TMEM50A: variants seen among roughly 807,000 people sequenced by gnomAD.
TMEM50A encodes the protein cervical cancer oncogene 9.
Under a neutral mutation model 23.9 loss-of-function variants are expected in TMEM50A, and 8 were observed. That is an observed-to-expected ratio of 0.33 (90% confidence interval 0.20 to 0.60). The LOEUF (loss-of-function observed/expected upper bound fraction) is 0.60, where lower values mean the gene tolerates loss of function less well. Ranked by LOEUF, TMEM50A falls within the 20% of genes least tolerant of loss-of-function variation. The pLI, the probability that TMEM50A is intolerant of heterozygous loss-of-function variation, is 0.81. For synonymous variants in TMEM50A, 55 were observed against 60.4 expected (o/e 0.91, Z 0.41); for missense variants, 178 against 192.7 (o/e 0.92, Z 0.45).
At chr1:25,351,449 C>A (rs1645274386) in intron 3 of TMEM50A, among the ~76,000 whole-genome samples, 177 bp from the exon 4 acceptor site, 1 of 151,622 alleles carries the variant, frequency 6.6e-6, no homozygotes, top group African/African-American at 2.4e-5. Flanking sequence ...TTCAAGGCTG[C>A]AGTAAGCCAT....
Position 25,361,054 on chromosome 1 carries a change from G to T in TMEM50A, c.*349G>T. ...TGAGGTCCAAAACCACAATGAAAGTGCTCTGAAGATTTAATGTGTTTATTC... is the reference window on the plus strand; with the variant it reads ...TGAGGTCCAAAACCACAATGAAAGTTCTCTGAAGATTTAATGTGTTTATTC... On this transcript the variant is annotated 3_prime_UTR_variant, in exon 7 of 7. Coordinates refer to ENST00000374358, the MANE Select transcript of TMEM50A (RefSeq NM_014313.4). 1 of 201,420 alleles carries T rather than the reference G, an allele frequency of 5.0e-6. No homozygotes were observed. The highest frequency in any genetic ancestry group is 1.1e-4 in the South Asian group (1 of 9,040). 12.5% of individuals were successfully genotyped at this position (201,420 alleles called of 1,614,324 possible). A position where few individuals can be genotyped will look rare whatever the true frequency, so the allele number is the denominator to read the frequency against.
intron 3 of TMEM50A, 113 bp from the exon 4 acceptor site, chr1:25,351,513 A>T (rs1046938343): frequency 7.7e-4 from 67 of 86,752 alleles, no homozygotes; most frequent in East Asian, 3.8e-3. Context: ...TGTATCTTTA[A>T]AAAAAAAAAA....
intron 6 of TMEM50A, among the ~76,000 whole-genome samples, chr1:25,357,276 T>C (rs143084293): frequency 1.1e-4 from 16 of 152,240 alleles, no homozygotes; most frequent in African/African-American, 3.6e-4. Context: ...AGATTTGAGG[T>C]GTGGAGGAAA....
intron 3 of TMEM50A, among the ~76,000 whole-genome samples, chr1:25,347,729 G>A (rs1645233343): frequency 6.6e-6 from 1 of 152,232 alleles, no homozygotes; most frequent in African/African-American, 2.4e-5. Flanking sequence ...GTCAGTGCCA[G>A]AGTAGTTATT....
At position 25,357,290 on chromosome 1, in the gene TMEM50A, CCAAA is replaced by C. The variant is rs1332223042; in HGVS notation, c.428+440_428+443del. 3.9e-5 allele frequency among the ~76,000 whole-genome samples: 6 copies of C among 152,118 alleles called. No individual in the cohort carries two copies. The East Asian group carries it at 5.8e-4, about 15-fold the overall frequency. On this transcript the variant is annotated intron_variant, in intron 6 of 6. Transcript: ENST00000374358. ...GAGATTTGAGGTGTGGAGGAAAAGCCCAAACATTTTTTTATCCTTCCCTTTCAAT... is the reference window on the plus strand; with the variant it reads ...GAGATTTGAGGTGTGGAGGAAAAGCCCATTTTTTTATCCTTCCCTTTCAAT...
At position 25,338,407 on chromosome 1, in the gene TMEM50A, C is replaced by G. The variant is rs932566098; in HGVS notation, c.-63C>G. 1 of 153,662 alleles carries G rather than the reference C, an allele frequency of 6.5e-6. No individual in the cohort carries two copies. The highest frequency in any genetic ancestry group is 1.4e-5 in the Non-Finnish European group (1 of 69,276). 9.5% of individuals were successfully genotyped at this position (153,662 alleles called of 1,614,324 possible). A position where few individuals can be genotyped will look rare whatever the true frequency, so the allele number is the denominator to read the frequency against. Reference sequence around the variant, plus strand: ...CTAAAATCGGGGGAGTGAGGCGGGCCGGCGCGGCGCGACACCGGGCTCCGG... The same window carrying G: ...CTAAAATCGGGGGAGTGAGGCGGGCGGGCGCGGCGCGACACCGGGCTCCGG... On this transcript the variant is annotated 5_prime_UTR_variant, in exon 1 of 7. Transcript: ENST00000374358.
At chr1:25,351,040 T>C (rs1645270144) in intron 3 of TMEM50A, among the ~76,000 whole-genome samples, 1 of 151,878 alleles carries the variant, frequency 6.6e-6, no homozygotes, top group Non-Finnish European at 1.5e-5. Flanking sequence ...GGTGCATGCC[T>C]GTAGTCCCAA....
intron 1 of TMEM50A, among the ~76,000 whole-genome samples, chr1:25,339,633 C>A (rs981162603): frequency 5.3e-5 from 8 of 152,192 alleles, no homozygotes; most frequent in Non-Finnish European, 1.0e-4. Flanking sequence ...TCATTTGAAT[C>A]TGTAATTCCA....
intron 6 of TMEM50A, among the ~76,000 whole-genome samples, chr1:25,359,525 C>A (rs930348481): frequency 2.7e-5 from 4 of 149,828 alleles, no homozygotes; most frequent in African/African-American, 9.8e-5. Flanking sequence ...AAAAAAATCA[C>A]AAAATAAATC....
rs1645393828 is a variant in TMEM50A at position 25,360,875 on chromosome 1, TC to T, written c.*171del. The stretch of plus-strand genomic sequence containing the variant: ...AGAACACCTAAACAACAACCAAAAA[TC>T]TATTGTGGTATGCACTTGATTAACT... On this transcript the variant is annotated 3_prime_UTR_variant, in exon 7 of 7. Coordinates refer to ENST00000374358, the MANE Select transcript of TMEM50A (RefSeq NM_014313.4). 1 of 584,912 alleles carries T rather than the reference TC, an allele frequency of 1.7e-6. No homozygotes were observed. Among genetic ancestry groups the T allele is most frequent in the Admixed American group, 3.5e-5 (1 of 28,762 alleles). The allele number at this position is 584,912 out of a possible 1,614,324, so 36.2% of individuals were successfully genotyped here.
chr1:25,339,252 T>G (rs759056543), intron 1 of TMEM50A, among the ~76,000 whole-genome samples: 1 of 152,236 alleles, frequency 6.6e-6, no homozygotes, highest in Non-Finnish European at 1.5e-5. Flanking sequence ...GAAATAGAGA[T>G]AACATGGCTG....
intron 3 of TMEM50A, among the ~76,000 whole-genome samples, chr1:25,349,444 G>C (rs1391691039): frequency 6.6e-6 from 1 of 152,068 alleles, no homozygotes; most frequent in Non-Finnish European, 1.5e-5. Context: ...ACATTTATTT[G>C]TGTTTTACTT....
At chr1:25,351,183 G>C (rs1004864567) in intron 3 of TMEM50A, among the ~76,000 whole-genome samples, 3 of 147,590 alleles carry the variant, frequency 2.0e-5, no homozygotes, top group African/African-American at 7.5e-5. Flanking sequence ...AAAAAAAAAA[G>C]GAGTATCTGG....
chr1:25,356,294 C>T (rs921529396), intron 5 of TMEM50A, among the ~76,000 whole-genome samples: 34 of 152,118 alleles, frequency 2.2e-4, no homozygotes, highest in African/African-American at 8.2e-4. Context: ...CCTGCTCTTC[C>T]CTCTTGTGCC....
At chr1:25,351,472 G>A (rs535116054) in intron 3 of TMEM50A, among the ~76,000 whole-genome samples, 154 bp from the exon 4 acceptor site, 1 of 151,600 alleles carries the variant, frequency 6.6e-6, no homozygotes, top group East Asian at 1.9e-4. Context: ...TTGTGCCACT[G>A]CATTCTAGCT....
At chr1:25,350,233 T>C (rs1401870822) in intron 3 of TMEM50A, among the ~76,000 whole-genome samples, 1 of 152,178 alleles carries the variant, frequency 6.6e-6, no homozygotes, top group Non-Finnish European at 1.5e-5. Flanking sequence ...TTTTAAGAAA[T>C]ATTTGGATTA....
intron 3 of TMEM50A, among the ~76,000 whole-genome samples, chr1:25,345,211 A>C (rs1300196993): frequency 6.6e-6 from 1 of 150,538 alleles, no homozygotes; most frequent in East Asian, 2.0e-4. Flanking sequence ...TTGGGAGGCC[A>C]AGGCGGGCAG....
At chr1:25,356,328 C>G (rs1344745299) in intron 5 of TMEM50A, among the ~76,000 whole-genome samples, 1 of 152,184 alleles carries the variant, frequency 6.6e-6, no homozygotes, top group African/African-American at 2.4e-5. Context: ...CTGTAATTCA[C>G]TGGCGTGCTC....
At chr1:25,353,173 C>T (rs550831620) in intron 5 of TMEM50A, among the ~76,000 whole-genome samples, 199 bp downstream of exon 5, 2 of 152,326 alleles carry the variant, frequency 1.3e-5, no homozygotes, top group East Asian at 3.9e-4. Context: ...TTTCTTCAGT[C>T]ATTTTTCTTC....
Sources: allele counts gnomAD v4.1 joint callset (sites outside exome capture counted in the v4.1 genomes callset), GRCh38; gene constraint gnomAD v4.1.1; transcripts MANE v1.5; gene names NCBI Gene and HGNC (gene_info 2026-07-23, HGNC 2026-07-21).